LGR6: variants seen among roughly 807,000 people sequenced by gnomAD.
The protein encoded by LGR6 is leucine-rich repeat-containing G protein-coupled receptor 6.
In LGR6, 45 loss-of-function variants were observed where a neutral mutation model predicts 69.4. The observed-to-expected ratio is 0.65, with a 90% CI of 0.51 to 0.83. The LOEUF is 0.83. Among genes scored for constraint, LGR6 ranks in the 40% least tolerant of loss-of-function variants. The probability of loss-of-function intolerance (pLI) is 0.00; values close to 1 mark genes in which losing one functional copy is unlikely to be tolerated. For synonymous variants in LGR6, 538 were observed against 555.0 expected, an observed-to-expected ratio of 0.97 and a Z score of 0.43; for missense variants, 1,108 against 1,246.7, an observed-to-expected ratio of 0.89 and a Z score of 1.68.
intron 4 of LGR6, among the ~76,000 whole-genome samples, chr1:202,237,674 A>G (rs908371541): frequency 2.6e-5 from 4 of 152,184 alleles, no homozygotes; most frequent in Admixed American, 2.6e-4. Flanking sequence ...GAACCAGACC[A>G]TTAGCTTCCA....
At chr1:202,225,964 G>A (rs1660515768) in intron 2 of LGR6, among the ~76,000 whole-genome samples, 8 of 152,076 alleles carry the variant, frequency 5.3e-5, no homozygotes, top group Admixed American at 5.2e-4. Context: ...AAATTACTCT[G>A]CACACCTTCA....
In LGR6 at chr1:202,319,178, T is replaced by A. The variant is rs746379086; in HGVS notation, c.2875T>A (p.Ser959Thr). ...GTCAGGGGGTGGCGGCTTTCAGCCC[T>A]CTGGCTTGGCCTTTGCTTCACACGT... Reference protein sequence around the residue: ...GLSGGGGFQPSGLAFASHV With the variant: ...GLSGGGGFQPTGLAFASHV Residue 959 changes from serine to threonine, a missense_variant, in exon 18 of 18, where the codon TCT (serine) becomes ACT (threonine). Ser to Thr is a moderately conservative substitution (Grantham distance 58). Coordinates refer to ENST00000367278, the MANE Select transcript of LGR6 (RefSeq NM_001017403.2). The A allele has an allele frequency of 6.2e-7, 1 of 1,610,978 alleles. No individual in the cohort carries two copies. The highest frequency in any genetic ancestry group is 8.5e-7 in the Non-Finnish European group (1 of 1,178,446).
chr1:202,249,344 G>A (rs568492815), intron 4 of LGR6, among the ~76,000 whole-genome samples: 5 of 152,068 alleles, frequency 3.3e-5, no homozygotes, highest in South Asian at 2.1e-4. Flanking sequence ...GTCACTCCTC[G>A]ATTCTCCTTG....
intron 6 of LGR6, among the ~76,000 whole-genome samples, chr1:202,292,079 A>G (rs1218708816): frequency 1.3e-5 from 2 of 152,202 alleles, no homozygotes; most frequent in Non-Finnish European, 2.9e-5. Flanking sequence ...AAGTAACTAC[A>G]CAAGGGTGTG....
At chr1:202,281,389 A>C (rs1665993883) in intron 6 of LGR6, among the ~76,000 whole-genome samples, 1 of 152,104 alleles carries the variant, frequency 6.6e-6, no homozygotes, top group Non-Finnish European at 1.5e-5. Context: ...TATAAGAAGC[A>C]CCCAAGCTGT....
At chr1:202,310,853 A>G (rs1653670124) in intron 16 of LGR6, among the ~76,000 whole-genome samples, 1 of 152,142 alleles carries the variant, frequency 6.6e-6, no homozygotes, top group South Asian at 2.1e-4. Flanking sequence ...ATTGCTGTCC[A>G]AGTCCATCCT....
chr1:202,244,702 C>G (rs1037270671), intron 4 of LGR6, among the ~76,000 whole-genome samples: 3 of 152,136 alleles, frequency 2.0e-5, no homozygotes, highest in Non-Finnish European at 4.4e-5. Context: ...TTGCAAAGGC[C>G]CCTTTTCTAA....
At chr1:202,254,195 C>G (rs1663562076) in intron 4 of LGR6, among the ~76,000 whole-genome samples, 1 of 152,238 alleles carries the variant, frequency 6.6e-6, no homozygotes, top group Non-Finnish European at 1.5e-5. Flanking sequence ...ATCCACCTGC[C>G]TCAGCCTCCC....
intron 11 of LGR6, 87 bp from the exon 12 acceptor site, chr1:202,305,597 C>A: frequency 1.8e-6 from 2 of 1,141,586 alleles, no homozygotes; most frequent in Non-Finnish European, 2.6e-6. Context: ...GACAGGAAAG[C>A]ACAGTCCTGG....
At chr1:202,221,577 G>A (rs1230723664) in intron 1 of LGR6, among the ~76,000 whole-genome samples, 1 of 152,070 alleles carries the variant, frequency 6.6e-6, no homozygotes, top group Non-Finnish European at 1.5e-5. Context: ...GTATCCCAAG[G>A]GCTCCCAGGA....
At chr1:202,220,613 T>G (rs1660084493) in intron 1 of LGR6, among the ~76,000 whole-genome samples, 1 of 152,104 alleles carries the variant, frequency 6.6e-6, no homozygotes, top group African/African-American at 2.4e-5. Context: ...ATGACCAGGG[T>G]CACACAGCTA....
At chr1:202,222,167 C>T (rs1334803499) in intron 1 of LGR6, among the ~76,000 whole-genome samples, 1 of 152,238 alleles carries the variant, frequency 6.6e-6, no homozygotes, top group Non-Finnish European at 1.5e-5. Context: ...CCTCTTCCTT[C>T]CCCTTCCCCT....
At chr1:202,208,528 G>A (rs578163023) in intron 1 of LGR6, among the ~76,000 whole-genome samples, 10 of 152,000 alleles carry the variant, frequency 6.6e-5, no homozygotes, top group Non-Finnish European at 1.0e-4. Flanking sequence ...CCCAGGGGCC[G>A]GGATAGGACA....
intron 4 of LGR6, 54 bp from the exon 5 acceptor site, chr1:202,276,252 G>A (rs994621014): frequency 6.7e-7 from 1 of 1,489,138 alleles, no homozygotes; most frequent in South Asian, 1.2e-5. Context: ...TAGCCCCAAA[G>A]CTTGGTCTGC....
chr1:202,235,375 G>A (rs934234054), intron 3 of LGR6, among the ~76,000 whole-genome samples: 1 of 152,170 alleles, frequency 6.6e-6, no homozygotes, highest in Admixed American at 6.5e-5. Context: ...ATTGGGCCAT[G>A]AGAATAGTGC....
At chr1:202,278,197 T>A (rs1279234480) in intron 5 of LGR6, among the ~76,000 whole-genome samples, 1 of 152,134 alleles carries the variant, frequency 6.6e-6, no homozygotes, top group Non-Finnish European at 1.5e-5. Context: ...GAAGGTCAGT[T>A]CAGAGGTTCT....
chr1:202,214,657 T>G (rs999474305), intron 1 of LGR6, among the ~76,000 whole-genome samples: 1 of 152,164 alleles, frequency 6.6e-6, no homozygotes, highest in Admixed American at 6.5e-5. Context: ...AAAATGGGAA[T>G]AAATAATGCT....
intron 2 of LGR6, among the ~76,000 whole-genome samples, chr1:202,225,696 G>A (rs1265868901): frequency 2.1e-5 from 3 of 145,026 alleles, no homozygotes; most frequent in African/African-American, 7.3e-5. Context: ...GGGAAGTCTA[G>A]GATCTAGCTT....
chr1:202,307,508 A>T (rs919400790), intron 14 of LGR6, 107 bp downstream of exon 14: 12 of 884,564 alleles, frequency 1.4e-5, no homozygotes, highest in Non-Finnish European at 2.1e-5. Flanking sequence ...TGCATATCCC[A>T]GGGAGATGGG....
Sources: allele counts gnomAD v4.1 joint callset (sites outside exome capture counted in the v4.1 genomes callset), GRCh38; gene constraint gnomAD v4.1.1; transcripts MANE v1.5; gene names NCBI Gene and HGNC (gene_info 2026-07-23, HGNC 2026-07-21).